ADGRG2: variants seen among roughly 807,000 people sequenced by gnomAD.
The protein encoded by ADGRG2 is G protein-coupled receptor 64.
A neutral mutation model predicts 74.1 loss-of-function variants in ADGRG2; 26 were observed. The observed-to-expected ratio is 0.35, with a 90% confidence interval of 0.26 to 0.49. The LOEUF (loss-of-function observed/expected upper bound fraction) is 0.49. ADGRG2 is among the 20% of genes least tolerant of loss of function. The pLI is 0.99. For missense variants in ADGRG2, 619 were observed against 763.1 expected (o/e 0.81, Z 2.22); for synonymous variants, 296 against 295.2 (o/e 1.00, Z -0.03).
chrX:19,071,443 T>G (rs767893850), intron 2 of ADGRG2, among the ~76,000 whole-genome samples: 14 of 111,971 alleles, frequency 1.3e-4, no homozygotes, highest in Admixed American at 2.8e-4. Flanking sequence ...GGAGGAAAGA[T>G]CTAAGTGTCT....
chrX:19,006,403 T>C (rs752457939), intron 20 of ADGRG2, 138 bp from the exon 21 acceptor site: 134 of 485,680 alleles, frequency 2.8e-4, no homozygotes, highest in Non-Finnish European at 4.2e-4. Flanking sequence ...TTTTAGAGAG[T>C]TCTTATTTTA....
chrX:19,018,995 A>C (rs972546829), intron 15 of ADGRG2, among the ~76,000 whole-genome samples: 1 of 111,175 alleles, frequency 9.0e-6, no homozygotes. Flanking sequence ...GGCGCCCGCC[A>C]CCATGCCCGG....
chrX:19,013,884 G>A lies in ADGRG2; in HGVS notation c.901C>T (p.Pro301Ser). ...NVPSPIGEIQ[P>S]LSPQPSAPIA... ...GGAGCTGAAGGCTGGGGTGAAAGGGGTTGAATCTCCCCTATTGGAGAGGGA... is the reference window on the plus strand; with the variant it reads ...GGAGCTGAAGGCTGGGGTGAAAGGGATTGAATCTCCCCTATTGGAGAGGGA... The change falls in exon 16 of 29, where the codon CCC (proline) becomes TCC (serine). Residue 301 changes from proline to serine, a missense_variant. Coordinates refer to ENST00000379869, the MANE Select transcript of ADGRG2 (RefSeq NM_001079858.3). The A allele has an allele frequency of 1.7e-6, 2 of 1,208,996 alleles. No individual in the cohort carries two copies. Among genetic ancestry groups the A allele is most frequent in the Non-Finnish European group, 2.2e-6 (2 of 893,410 alleles).
At chrX:19,031,169 G>A (rs2060817370) in intron 8 of ADGRG2, 132 bp from the exon 9 acceptor site, 1 of 486,824 alleles carries the variant, frequency 2.1e-6, no homozygotes, top group East Asian at 3.7e-5. Flanking sequence ...TTAATTGGAT[G>A]GATGAATTCC....
chrX:19,089,764 C>T (rs1174545127), intron 1 of ADGRG2, among the ~76,000 whole-genome samples: 1 of 111,665 alleles, frequency 9.0e-6, no homozygotes, highest in East Asian at 2.8e-4. Context: ...AACCCCCAGG[C>T]AAAGGGTCAT....
intron 1 of ADGRG2, among the ~76,000 whole-genome samples, chrX:19,095,605 T>C (rs1008233506): frequency 8.9e-6 from 1 of 112,233 alleles, no homozygotes; most frequent in Non-Finnish European, 1.9e-5. Context: ...TGGTAACTTG[T>C]TAATTAGAAT....
chrX:19,112,860 A>G (rs1374347997), intron 1 of ADGRG2, among the ~76,000 whole-genome samples: 1 of 106,610 alleles, frequency 9.4e-6, no homozygotes, highest in Non-Finnish European at 1.9e-5. Flanking sequence ...CGGGTGGTTG[A>G]GGCAGAAGAA....
In ADGRG2 at chrX:19,029,690, G is replaced by GTTT. The variant is rs60964427; in HGVS notation, c.358+1291_358+1293dup. 1.9e-3 allele frequency among the ~76,000 whole-genome samples: 199 copies of GTTT among 102,060 alleles called. 2 individuals are homozygous for GTTT. Among genetic ancestry groups the GTTT allele is most frequent in the East Asian group, 4.4e-3 (14 of 3,215 alleles). The allele number at this position is 102,060 out of a possible 115,157, so 88.6% of individuals were successfully genotyped here. ...TGGCATCTGTTACTCAAGATGACCA[G>GTTT]TTTTTTTTTTTTTAACTACATGTTC... On this transcript the variant is annotated intron_variant, in intron 9 of 28. Coordinates refer to ENST00000379869, the MANE Select transcript of ADGRG2 (RefSeq NM_001079858.3).
In ADGRG2 at chrX:18,990,733, A is replaced by T. The variant is rs778421168; in HGVS notation, c.*131T>A. On this transcript the variant is annotated 3_prime_UTR_variant, in exon 29 of 29. Transcript: ENST00000379869. Reference sequence around the variant, plus strand: ...CTTGTAATAATAATCATCGCCCTTAATTAGCTTATGCTTCTCCAGATGTTG... The same window carrying T: ...CTTGTAATAATAATCATCGCCCTTATTTAGCTTATGCTTCTCCAGATGTTG... 99 of 445,887 alleles carry T rather than the reference A, an allele frequency of 2.2e-4. No individual in the cohort carries two copies. The South Asian group carries it at 4.9e-3, about 22-fold the overall frequency. The allele number at this position is 445,887 out of a possible 1,213,427, so 36.7% of individuals were successfully genotyped here. A position where few individuals can be genotyped will look rare whatever the true frequency, so the allele number is the denominator to read the frequency against.
At chrX:18,993,490 C>A (rs2059959761) in intron 28 of ADGRG2, among the ~76,000 whole-genome samples, 1 of 106,067 alleles carries the variant, frequency 9.4e-6, no homozygotes, top group Non-Finnish European at 1.9e-5. Flanking sequence ...TGAGACCAAC[C>A]TGGACAACAC....
At position 19,075,383 on chromosome X, in the gene ADGRG2, G is replaced by A. The variant is rs188363181; in HGVS notation, c.-1-6548C>T. 2.8e-4 allele frequency among the ~76,000 whole-genome samples: 31 copies of A among 110,622 alleles called. 1 individual carries two copies. The East Asian group carries it at 5.7e-3, about 20-fold the overall frequency. ...TGTAATCCCAGCACTTTGGGAGGCC[G>A]AGGCGGATGGATCACTTGAGGCCAG... On this transcript the variant is annotated intron_variant, in intron 2 of 28. Coordinates refer to ENST00000379869, the MANE Select transcript of ADGRG2 (RefSeq NM_001079858.3).
Position 19,017,047 on chromosome X carries a change from C to T in ADGRG2, c.710+2552G>A, listed in dbSNP as rs143364268. ...CCCAGCTGCATCAATGTTTTTAAAA[C>T]GCTCCAGAGGATTTCAACATGCAGC... is the stretch of plus-strand genomic sequence containing the variant. On this transcript the variant is annotated intron_variant, in intron 15 of 28. Transcript: ENST00000379869. Among the ~76,000 whole-genome samples, 792 of 111,329 alleles carry T rather than the reference C, an allele frequency of 7.1e-3. 1 individual carries two copies. The highest frequency in any genetic ancestry group is 0.016 in the South Asian group (42 of 2,608).
chrX:19,067,368 T>C (rs775369617), intron 3 of ADGRG2, among the ~76,000 whole-genome samples: 1 of 112,552 alleles, frequency 8.9e-6, no homozygotes, highest in African/African-American at 3.2e-5. Context: ...AAAGTGATTT[T>C]TGACAAAGTT....
intron 1 of ADGRG2, among the ~76,000 whole-genome samples, chrX:19,118,172 T>G (rs2062556561): frequency 9.0e-6 from 1 of 111,290 alleles, no homozygotes. Flanking sequence ...GTAAAAATAT[T>G]GGAGGGAAAA....
chrX:19,041,795 G>C (rs1310115965), intron 3 of ADGRG2, among the ~76,000 whole-genome samples: 1 of 111,115 alleles, frequency 9.0e-6, no homozygotes, highest in Non-Finnish European at 1.9e-5. Context: ...CTAATCTGTT[G>C]AGTTAGCTTT....
At chrX:19,015,434 A>C (rs191438439) in intron 15 of ADGRG2, among the ~76,000 whole-genome samples, 36 of 112,560 alleles carry the variant, frequency 3.2e-4, no homozygotes, top group African/African-American at 1.1e-3. Flanking sequence ...AAAAGCCTAG[A>C]CTTGGCTGGG....
At chrX:19,027,881 G>A (rs970226310) in intron 10 of ADGRG2, among the ~76,000 whole-genome samples, 1 of 112,330 alleles carries the variant, frequency 8.9e-6, no homozygotes, top group Non-Finnish European at 1.9e-5. Context: ...CATATTTCTT[G>A]TTGCTAGGAG....
At chrX:19,049,446 T>G (rs1009592917) in intron 3 of ADGRG2, among the ~76,000 whole-genome samples, 11 of 102,925 alleles carry the variant, frequency 1.1e-4, no homozygotes, top group Non-Finnish European at 2.0e-4. Context: ...GTGTTTTTTT[T>G]TTTTTTTTTT....
intron 3 of ADGRG2, among the ~76,000 whole-genome samples, chrX:19,059,588 AAGT>A (rs1466683266): frequency 3.6e-5 from 4 of 109,774 alleles, no homozygotes; most frequent in Non-Finnish European, 7.6e-5. Flanking sequence ...ACTATGTATG[AAGT>A]AGTACTAAAG....
Sources: gnomAD v4.1 joint callset for allele counts (sites outside exome capture counted in the v4.1 genomes callset) on GRCh38, gnomAD v4.1.1 for gene constraint, MANE v1.5 for transcripts, NCBI Gene and HGNC (gene_info 2026-07-23, HGNC 2026-07-21) for gene names.